GALNT13: variants seen among roughly 807,000 people sequenced by gnomAD.
GALNT13 encodes UDP-GalNAc:polypeptide N-acetylgalactosaminyltransferase 13.
In GALNT13, 28 loss-of-function variants were observed where a neutral mutation model predicts 64.2. The ratio of observed to expected loss-of-function variants is 0.44; its 90% CI spans 0.32 to 0.60. The LOEUF is 0.60. Ranked by LOEUF, GALNT13 falls within the 20% of genes least tolerant of loss-of-function variation. The pLI is 0.05. For synonymous variants in GALNT13, 214 were observed against 224.6 expected, an observed-to-expected ratio of 0.95 and a Z score of 0.42; for missense variants, 577 against 669.8, an observed-to-expected ratio of 0.86 and a Z score of 1.53.
At chr2:153,967,609 G>T (rs1390487397) in intron 3 of GALNT13, among the ~76,000 whole-genome samples, 1 of 152,062 alleles carries the variant, frequency 6.6e-6, no homozygotes, top group Non-Finnish European at 1.5e-5. Context: ...TTCTCCATGT[G>T]GCACTGCCTG....
chr2:154,275,774 G>T (rs1691614018), intron 8 of GALNT13, among the ~76,000 whole-genome samples: 1 of 152,298 alleles, frequency 6.6e-6, no homozygotes. Flanking sequence ...TCCACCAACA[G>T]CTTGCACTGT....
chr2:153,460,550 A>T, the GALNT13 span, among the ~76,000 whole-genome samples: 1 of 152,112 alleles, frequency 6.6e-6, no homozygotes, highest in Admixed American at 6.6e-5. Context: ...TAAACCTAAA[A>T]TTGGATTTAT....
intron 3 of GALNT13, among the ~76,000 whole-genome samples, chr2:154,080,629 A>T (rs541284354): frequency 1.6e-4 from 25 of 151,570 alleles, no homozygotes; most frequent in Middle Eastern, 3.2e-3. Flanking sequence ...TTCTTCTGAC[A>T]TACTAGCAGT....
At chr2:153,324,391 C>T in the GALNT13 span, among the ~76,000 whole-genome samples, 384 of 152,206 alleles carry the variant, frequency 2.5e-3, 3 homozygotes, top group African/African-American at 8.7e-3. Context: ...AAGGAGATTT[C>T]GGGCTGAGAC....
intron 10 of GALNT13, among the ~76,000 whole-genome samples, chr2:154,404,800 TG>T (rs2105381298): frequency 6.6e-6 from 1 of 151,912 alleles, no homozygotes; most frequent in South Asian, 2.1e-4. Context: ...GTGAGGTAAA[TG>T]GGGTCAGGAG....
At chr2:153,878,528 G>A (rs761698071) in intron 1 of GALNT13, among the ~76,000 whole-genome samples, 1 of 152,154 alleles carries the variant, frequency 6.6e-6, no homozygotes, top group Non-Finnish European at 1.5e-5. Context: ...TTTAGCCTTA[G>A]TTTACTGTGT....
intron 7 of GALNT13, among the ~76,000 whole-genome samples, chr2:154,250,564 T>A (rs1690015169): frequency 6.6e-6 from 1 of 152,070 alleles, no homozygotes; most frequent in African/African-American, 2.4e-5. Context: ...TGAAATTTGT[T>A]TTAATATTCC....
the GALNT13 span, among the ~76,000 whole-genome samples, chr2:153,315,938 A>G: frequency 6.9e-6 from 1 of 144,692 alleles, no homozygotes. Flanking sequence ...AATATAATAT[A>G]CTCCTAAAAC....
the GALNT13 span, among the ~76,000 whole-genome samples, chr2:153,649,762 T>C: frequency 6.6e-6 from 1 of 152,280 alleles, no homozygotes; most frequent in East Asian, 1.9e-4. Flanking sequence ...AGTTTCCATA[T>C]AGTTGAGCGG....
chr2:153,503,879 T>G, the GALNT13 span, among the ~76,000 whole-genome samples: 1 of 152,164 alleles, frequency 6.6e-6, no homozygotes, highest in Admixed American at 6.6e-5. Flanking sequence ...CTTTTTTGGT[T>G]GCATATGAAT....
intron 3 of GALNT13, among the ~76,000 whole-genome samples, chr2:154,013,754 C>T (rs1352555868): frequency 6.6e-6 from 1 of 152,028 alleles, no homozygotes; most frequent in East Asian, 1.9e-4. Flanking sequence ...ATGACAGCAG[C>T]GGTGGGGCAG....
chr2:153,097,038 A>G, the GALNT13 span, among the ~76,000 whole-genome samples: 5 of 151,996 alleles, frequency 3.3e-5, no homozygotes, highest in East Asian at 9.7e-4. Flanking sequence ...TGTTCGTTGT[A>G]TGTTTTTTGG....
chr2:154,015,038 A>G (rs867138569), intron 3 of GALNT13, among the ~76,000 whole-genome samples: 9 of 152,326 alleles, frequency 5.9e-5, no homozygotes, highest in Non-Finnish European at 1.3e-4. Flanking sequence ...CAAAACATGC[A>G]TATTATCTTC....
intron 9 of GALNT13, among the ~76,000 whole-genome samples, chr2:154,376,057 A>G (rs1054926307): frequency 3.9e-5 from 6 of 152,236 alleles, no homozygotes; most frequent in Non-Finnish European, 8.8e-5. Flanking sequence ...AAAGGAATAT[A>G]TAATTTGCCC....
At chr2:153,111,242 A>T in the GALNT13 span, among the ~76,000 whole-genome samples, 1 of 152,126 alleles carries the variant, frequency 6.6e-6, no homozygotes, top group African/African-American at 2.4e-5. Flanking sequence ...GATATTAAAG[A>T]ATGATACCTT....
the GALNT13 span, among the ~76,000 whole-genome samples, chr2:153,358,834 C>T: frequency 0.011 from 1,676 of 152,198 alleles, 18 homozygotes; most frequent in Non-Finnish European, 0.014. Flanking sequence ...TTTTCCCCTC[C>T]CTCCCTTTGT....
At chr2:154,132,373 C>T (rs1210692431) in intron 3 of GALNT13, among the ~76,000 whole-genome samples, 2 of 152,050 alleles carry the variant, frequency 1.3e-5, no homozygotes, top group Non-Finnish European at 2.9e-5. Context: ...TATTTTATAA[C>T]ATTGTTTTAT....
At chr2:154,299,081 T>C (rs1034946061) in intron 8 of GALNT13, among the ~76,000 whole-genome samples, 1 of 148,498 alleles carries the variant, frequency 6.7e-6, no homozygotes, top group Non-Finnish European at 1.5e-5. Flanking sequence ...TATTTTATAT[T>C]ATTTAATGGT....
the GALNT13 span, among the ~76,000 whole-genome samples, chr2:153,168,497 A>G: frequency 2.0e-5 from 3 of 152,174 alleles, no homozygotes; most frequent in East Asian, 5.8e-4. Flanking sequence ...TATTGCCACT[A>G]TCAAGCTAAT....
Sources: gnomAD v4.1 joint callset for allele counts (sites outside exome capture counted in the v4.1 genomes callset) on GRCh38, gnomAD v4.1.1 for gene constraint, MANE v1.5 for transcripts, NCBI Gene and HGNC (gene_info 2026-07-23, HGNC 2026-07-21) for gene names.